The following MXI1 variants were observed in gnomAD, a reference collection of about 807,000 sequenced individuals.
MXI1 encodes max-interacting protein 1.
A neutral mutation model predicts 36.9 loss-of-function variants in MXI1; 18 were observed. The observed-to-expected ratio is 0.49, with a 90% CI of 0.34 to 0.72. MXI1 has a LOEUF of 0.72. Among genes scored for constraint, MXI1 ranks in the 30% least tolerant of loss-of-function variants. MXI1 has a pLI of 0.01. For missense variants in MXI1, 304 were observed against 379.1 expected (o/e 0.80, Z 1.64); for synonymous variants, 160 against 146.7 (o/e 1.09, Z -0.65).
chr10:110,265,193 T>C (rs1470198146), intron 3 of MXI1, among the ~76,000 whole-genome samples: 1 of 152,204 alleles, frequency 6.6e-6, no homozygotes, highest in Non-Finnish European at 1.5e-5. Context: ...TAAATAATAG[T>C]TAAGAATTGT....
At chr10:110,253,243 C>T (rs1459919084) in intron 3 of MXI1, among the ~76,000 whole-genome samples, 1 of 152,052 alleles carries the variant, frequency 6.6e-6, no homozygotes, top group Non-Finnish European at 1.5e-5. Context: ...ATTGTTTGGA[C>T]ACGATAATGA....
At chr10:110,221,556 C>A (rs1854807051) in intron 1 of MXI1, among the ~76,000 whole-genome samples, 1 of 151,758 alleles carries the variant, frequency 6.6e-6, no homozygotes, top group Admixed American at 6.5e-5. Flanking sequence ...CAAGTTCATG[C>A]AAAAAAGAAG....
intron 3 of MXI1, among the ~76,000 whole-genome samples, chr10:110,256,820 C>T (rs1856318346): frequency 1.3e-5 from 2 of 152,072 alleles, no homozygotes. Context: ...ACTGAGTTTG[C>T]AGTTTGGCAC....
At chr10:110,217,438 T>A (rs1854681054) in intron 1 of MXI1, among the ~76,000 whole-genome samples, 1 of 152,212 alleles carries the variant, frequency 6.6e-6, no homozygotes, top group Non-Finnish European at 1.5e-5. Flanking sequence ...AGGGCTGCTC[T>A]GGGCAAGTGA....
At chr10:110,266,268 C>T (rs895002180) in intron 3 of MXI1, among the ~76,000 whole-genome samples, 38 of 152,060 alleles carry the variant, frequency 2.5e-4, no homozygotes, top group African/African-American at 8.0e-4. Flanking sequence ...CCACCATGCC[C>T]AGCTAATTTT....
intron 3 of MXI1, among the ~76,000 whole-genome samples, chr10:110,247,436 G>T (rs1404219947): frequency 6.6e-6 from 1 of 152,102 alleles, no homozygotes; most frequent in Non-Finnish European, 1.5e-5. Flanking sequence ...ATTGCTTTTG[G>T]TGTTTTAGAC....
chr10:110,222,051 G>GTGA (rs1854825830), intron 1 of MXI1, among the ~76,000 whole-genome samples: 1 of 152,192 alleles, frequency 6.6e-6, no homozygotes, highest in Non-Finnish European at 1.5e-5. Flanking sequence ...CATGAACTTA[G>GTGA]GCAAGGCTGA....
Position 110,208,048 on chromosome 10 carries a change from CA to C in MXI1, c.241del (p.Ser81AlafsTer38), listed in dbSNP as rs1473065197. 1 of 1,601,728 alleles carries C rather than the reference CA, an allele frequency of 6.2e-7. No homozygotes were observed. Among genetic ancestry groups the C allele is most frequent in the Non-Finnish European group, 8.5e-7 (1 of 1,174,218 alleles). Reference protein sequence around the residue: ...QNVQILLEAASYLEQIEKENK... With the variant: ...QNVQILLEAAXYLEQIEKENK... ...ACGTGCAGATTCTGCTCGAGGCCGCCAGCTACCTGGAGCAGATCGAGAAAGA... is the reference window on the plus strand; with the variant it reads ...ACGTGCAGATTCTGCTCGAGGCCGCCGCTACCTGGAGCAGATCGAGAAAGA... On this transcript the variant is annotated frameshift_variant, in exon 1 of 6. Coordinates refer to ENST00000332674, the MANE Select transcript of MXI1 (RefSeq NM_130439.3). LOFTEE classifies it high-confidence loss of function.
In MXI1 at chr10:110,207,801, G is replaced by T. The variant is rs1296011089; in HGVS notation, c.-8G>T. On this transcript the variant is annotated 5_prime_UTR_variant, in exon 1 of 6. Transcript: ENST00000332674. ...TAGAGGACGAGCTCGGCGGACCCCC[G>T]CTCCTCCATGGGCAAACGCGGGCGG... The T allele has an allele frequency of 2.7e-6, 3 of 1,125,984 alleles. No individual in the cohort carries two copies. In the East Asian group the frequency reaches 1.6e-4, roughly 59 times the overall value. The allele number at this position is 1,125,984 out of a possible 1,614,324, so 69.7% of individuals were successfully genotyped here.
At chr10:110,245,642 A>G (rs1855835307) in intron 3 of MXI1, 1 of 152,176 alleles carries the variant, frequency 6.6e-6, no homozygotes, top group African/African-American at 2.4e-5. Flanking sequence ...ACCATGCCCA[A>G]GAGTTTAGAC....
At chr10:110,262,305 A>G (rs1006083644) in intron 3 of MXI1, among the ~76,000 whole-genome samples, 1 of 152,162 alleles carries the variant, frequency 6.6e-6, no homozygotes, top group Admixed American at 6.5e-5. Flanking sequence ...GATTTAAGGT[A>G]TAGAGGAGGA....
In MXI1 at chr10:110,226,163, G is replaced by C. The variant is rs529530182; in HGVS notation, c.275-2026G>C. On this transcript the variant is annotated intron_variant, in intron 1 of 5. Transcript: ENST00000332674. ...TAGCCGCCTGCGGCGCCTCCTGTCG[G>C]CCCGAGAAGGGAGTGCGGAGAGGCG... 1.1e-5 allele frequency: 15 copies of C among 1,407,366 alleles called. No homozygotes were observed. The African/African-American group carries it at 1.8e-4, about 17-fold the overall frequency. The allele number at this position is 1,407,366 out of a possible 1,614,324, so 87.2% of individuals were successfully genotyped here.
At position 110,236,124 on chromosome 10, in the gene MXI1, CTTTTTTTTTTTTTTTTTTTTTTT is replaced by C. The variant is rs60576710; in HGVS notation, c.407+7820_407+7842del. Among the ~76,000 whole-genome samples the C allele has an allele frequency of 5.4e-4, 18 of 33,576 alleles. 1 individual carries two copies. Among genetic ancestry groups the C allele is most frequent in the South Asian group, 2.2e-3 (2 of 910 alleles). 22.0% of individuals were successfully genotyped at this position (33,576 alleles called of 152,430 possible). The stretch of plus-strand genomic sequence containing the variant: ...AGGGTGTGAAGTAAAGGTTGAAGTT[CTTTTTTTTTTTTTTTTTTTTTTT>C]TTTTTTTTTTTTTTTTGCAAATGGA... On this transcript the variant is annotated intron_variant, in intron 2 of 5. Coordinates refer to ENST00000332674, the MANE Select transcript of MXI1 (RefSeq NM_130439.3).
rs751835182 is a variant in MXI1, at chr10:110,286,025, G to C, written c.*1038G>C. The C allele has an allele frequency of 2.0e-5, 3 of 152,550 alleles. No individual in the cohort carries two copies. The highest frequency in any genetic ancestry group is 2.9e-5 in the Non-Finnish European group (2 of 68,018). The allele number at this position is 152,550 out of a possible 1,614,324, so 9.4% of individuals were successfully genotyped here. On this transcript the variant is annotated 3_prime_UTR_variant, in exon 6 of 6. Transcript: ENST00000332674. Reference sequence around the variant, plus strand: ...CTATTTTGATGCAGCATTTGATAATGATAAAACACCTCACACCTCACTCTT... The same window carrying C: ...CTATTTTGATGCAGCATTTGATAATCATAAAACACCTCACACCTCACTCTT...
At chr10:110,234,349 T>C (rs1443009531) in intron 2 of MXI1, among the ~76,000 whole-genome samples, 1 of 152,316 alleles carries the variant, frequency 6.6e-6, no homozygotes, top group Non-Finnish European at 1.5e-5. Flanking sequence ...GTCCCATTTT[T>C]AGTGTGATTG....
chr10:110,278,767 A>C (rs1278816012), intron 3 of MXI1, among the ~76,000 whole-genome samples: 1 of 151,542 alleles, frequency 6.6e-6, no homozygotes, highest in Non-Finnish European at 1.5e-5. Context: ...GGGAGGGGGG[A>C]AATAGAAACT....
At chr10:110,279,339 G>A (rs749882054) in intron 4 of MXI1, 45 bp downstream of exon 4, 1 of 1,511,864 alleles carries the variant, frequency 6.6e-7, no homozygotes, top group South Asian at 1.1e-5. Flanking sequence ...CTCAGTTCTG[G>A]TTTAATTATT....
At chr10:110,223,454 G>A (rs914302696) in intron 1 of MXI1, among the ~76,000 whole-genome samples, 2 of 151,978 alleles carry the variant, frequency 1.3e-5, no homozygotes, top group Non-Finnish European at 2.9e-5. Context: ...GGTGGCAGGC[G>A]CCTGTAACCC....
intron 1 of MXI1, among the ~76,000 whole-genome samples, chr10:110,218,566 G>T (rs1219217248): frequency 6.6e-6 from 1 of 152,098 alleles, no homozygotes; most frequent in African/African-American, 2.4e-5. Context: ...GTAGAGAGTG[G>T]GCTGTCAGAA....
Sources: allele counts gnomAD v4.1 joint callset (sites outside exome capture counted in the v4.1 genomes callset), GRCh38; gene constraint gnomAD v4.1.1; transcripts MANE v1.5; gene names NCBI Gene and HGNC (gene_info 2026-07-23, HGNC 2026-07-21).